Variants in GALNT13 observed in about 807,000 individuals in gnomAD.
The protein encoded by GALNT13 is polypeptide N-acetylgalactosaminyltransferase 13, also known as UDP-GalNAc:polypeptide N-acetylgalactosaminyltransferase 13.
GALNT13 carries 28 observed loss-of-function variants against 64.2 expected under a neutral mutation model. The ratio of observed to expected loss-of-function variants is 0.44; its 90% CI spans 0.32 to 0.60. The LOEUF is 0.60. GALNT13 is among the 20% of genes least tolerant of loss of function. The pLI, the probability that GALNT13 is intolerant of heterozygous loss-of-function variation, is 0.05. For synonymous variants in GALNT13, 214 were observed against 224.6 expected (o/e 0.95, Z 0.42); for missense variants, 577 against 669.8 (o/e 0.86, Z 1.53).
the GALNT13 span, among the ~76,000 whole-genome samples, chr2:153,451,686 G>A: frequency 4.6e-5 from 7 of 152,278 alleles, no homozygotes; most frequent in South Asian, 1.0e-3. Context: ...GAACTAAAAC[G>A]GAACTTGGGA....
chr2:153,808,883 G>T, the GALNT13 span, among the ~76,000 whole-genome samples: 1 of 152,240 alleles, frequency 6.6e-6, no homozygotes, highest in Non-Finnish European at 1.5e-5. Flanking sequence ...CTGGCAAAAT[G>T]CCAAGCCTGC....
At chr2:153,810,002 C>T in the GALNT13 span, among the ~76,000 whole-genome samples, 1 of 152,136 alleles carries the variant, frequency 6.6e-6, no homozygotes, top group Non-Finnish European at 1.5e-5. Context: ...GCTCTGTCAT[C>T]CAGGCTGGAG....
chr2:153,991,443 G>GA (rs1695150592), intron 3 of GALNT13, among the ~76,000 whole-genome samples: 2 of 152,160 alleles, frequency 1.3e-5, no homozygotes, highest in Admixed American at 1.3e-4. Flanking sequence ...ATTTGGAAGA[G>GA]AAAAGAGTAA....
At chr2:153,574,773 G>A in the GALNT13 span, among the ~76,000 whole-genome samples, 3 of 148,546 alleles carry the variant, frequency 2.0e-5, no homozygotes, top group East Asian at 4.0e-4. Context: ...TCAGAATTCT[G>A]TGTTATCTTG....
intron 3 of GALNT13, among the ~76,000 whole-genome samples, chr2:153,955,818 C>T (rs1162873014): frequency 6.6e-6 from 1 of 152,188 alleles, no homozygotes; most frequent in East Asian, 1.9e-4. Flanking sequence ...AACCTCCACT[C>T]TCATCTGGCC....
In GALNT13 at chr2:154,017,197, C is replaced by T. The variant is rs1432886713; in HGVS notation, c.142+72558C>T. ...CTATAAAATGAGAATTTTTCATTCTCTTTAGTCTGACTAATATGACTTTCA... is the reference window on the plus strand; with the variant it reads ...CTATAAAATGAGAATTTTTCATTCTTTTTAGTCTGACTAATATGACTTTCA... On this transcript the variant is annotated intron_variant, in intron 3 of 12. Transcript: ENST00000392825. Among the ~76,000 whole-genome samples the T allele has an allele frequency of 3.9e-5, 6 of 152,052 alleles. No individual in the cohort carries two copies. In the South Asian group the frequency reaches 1.0e-3, roughly 26 times the overall value.
chr2:154,117,852 G>T (rs182980873), intron 3 of GALNT13, among the ~76,000 whole-genome samples: 153 of 152,254 alleles, frequency 1.0e-3, no homozygotes, highest in African/African-American at 3.5e-3. Context: ...ATGGATCAAG[G>T]ACTTAAATCT....
chr2:153,832,786 C>T, the GALNT13 span, among the ~76,000 whole-genome samples: 1 of 152,106 alleles, frequency 6.6e-6, no homozygotes, highest in Admixed American at 6.6e-5. Flanking sequence ...TGTAAAGTGT[C>T]AGTAAATATT....
chr2:153,518,287 G>A, the GALNT13 span, among the ~76,000 whole-genome samples: 1 of 152,076 alleles, frequency 6.6e-6, no homozygotes, highest in Non-Finnish European at 1.5e-5. Flanking sequence ...CACACAATCT[G>A]TCTCCTTGTT....
At chr2:153,147,048 G>A in the GALNT13 span, among the ~76,000 whole-genome samples, 2 of 151,832 alleles carry the variant, frequency 1.3e-5, no homozygotes, top group African/African-American at 4.8e-5. Flanking sequence ...CTGAAGAATA[G>A]GTTAGTAGTA....
chr2:154,013,382 G>T (rs6736399), intron 3 of GALNT13, among the ~76,000 whole-genome samples: 2 of 151,744 alleles, frequency 1.3e-5, no homozygotes, highest in African/African-American at 4.8e-5. Context: ...GTGCTGAAGC[G>T]TTCCTCATAA....
At chr2:154,021,941 C>A (rs1368714688) in intron 3 of GALNT13, among the ~76,000 whole-genome samples, 2 of 152,076 alleles carry the variant, frequency 1.3e-5, no homozygotes. Context: ...AAGGCCTTTT[C>A]TGCATCTATT....
At chr2:153,154,030 A>C in the GALNT13 span, among the ~76,000 whole-genome samples, 1 of 152,130 alleles carries the variant, frequency 6.6e-6, no homozygotes, top group Non-Finnish European at 1.5e-5. Flanking sequence ...ATCCAAGAGC[A>C]TGGAATGTTT....
At chr2:153,076,469 A>G in the GALNT13 span, among the ~76,000 whole-genome samples, 1 of 152,172 alleles carries the variant, frequency 6.6e-6, no homozygotes, top group Non-Finnish European at 1.5e-5. Context: ...TGTGGAATTT[A>G]TCAGTCTCTT....
chr2:153,201,238 C>T, the GALNT13 span, among the ~76,000 whole-genome samples: 1 of 152,140 alleles, frequency 6.6e-6, no homozygotes, highest in South Asian at 2.1e-4. Context: ...CAAGTCCTCA[C>T]CTTGGATTCT....
the GALNT13 span, among the ~76,000 whole-genome samples, chr2:153,181,633 T>G: frequency 1.4e-5 from 2 of 146,450 alleles, no homozygotes; most frequent in Non-Finnish European, 3.0e-5. Flanking sequence ...ATTTATATAT[T>G]TATATAATTA....
chr2:154,116,164 C>G (rs1389870423), intron 3 of GALNT13, among the ~76,000 whole-genome samples: 1 of 152,084 alleles, frequency 6.6e-6, no homozygotes, highest in Non-Finnish European at 1.5e-5. Flanking sequence ...GGGGATGTTG[C>G]CACTACTAGG....
the GALNT13 span, among the ~76,000 whole-genome samples, chr2:153,643,561 C>T: frequency 6.6e-6 from 1 of 151,602 alleles, no homozygotes; most frequent in Non-Finnish European, 1.5e-5. Context: ...TAAGTTAATC[C>T]AATCTCCACA....
chr2:153,381,690 AAAG>A, the GALNT13 span, among the ~76,000 whole-genome samples: 1 of 152,148 alleles, frequency 6.6e-6, no homozygotes, highest in African/African-American at 2.4e-5. Context: ...CTTGGACAGA[AAAG>A]AAAAACAGAT....
Sources: allele counts gnomAD v4.1 joint callset (sites outside exome capture counted in the v4.1 genomes callset), GRCh38; gene constraint gnomAD v4.1.1; transcripts MANE v1.5; gene names NCBI Gene and HGNC (gene_info 2026-07-23, HGNC 2026-07-21).